MAP7: variants seen among roughly 807,000 people sequenced by gnomAD.
MAP7 encodes the protein microtubule associated protein 7, also known as ensconsin.
MAP7 carries 52 observed loss-of-function variants against 94.8 expected under a neutral mutation model. The ratio of observed to expected loss-of-function variants is 0.55; its 90% CI spans 0.44 to 0.69. MAP7 has a LOEUF of 0.69. MAP7 is among the 30% of genes least tolerant of loss of function. The probability of loss-of-function intolerance (pLI) is 0.00; values close to 1 mark genes in which losing one functional copy is unlikely to be tolerated. For missense variants in MAP7, 940 were observed against 964.6 expected, an observed-to-expected ratio of 0.97 and a Z score of 0.34; for synonymous variants, 350 against 357.0, an observed-to-expected ratio of 0.98 and a Z score of 0.22.
At chr6:136,420,976 G>T (rs1406931310) in intron 2 of MAP7, among the ~76,000 whole-genome samples, 2 of 152,152 alleles carry the variant, frequency 1.3e-5, no homozygotes, top group Admixed American at 6.5e-5. Flanking sequence ...ACCTCATGGG[G>T]TATTCGGCTT....
At chr6:136,533,050 A>T (rs1828599364) in intron 1 of MAP7, among the ~76,000 whole-genome samples, 3 of 152,226 alleles carry the variant, frequency 2.0e-5, no homozygotes, top group Admixed American at 2.0e-4. Flanking sequence ...AGGCGGGTGG[A>T]TCACCTGAGG....
chr6:136,520,489 A>G (rs1321697112), intron 1 of MAP7, among the ~76,000 whole-genome samples: 1 of 152,214 alleles, frequency 6.6e-6, no homozygotes, highest in Admixed American at 6.5e-5. Context: ...TGAAAAGTAC[A>G]GGGTATAAAG....
At position 136,343,437 on chromosome 6, in the gene MAP7, G is replaced by C. The variant is rs928720620; in HGVS notation, c.*791C>G. 12 of 152,640 alleles carry C rather than the reference G, an allele frequency of 7.9e-5. No individual in the cohort carries two copies. The highest frequency in any genetic ancestry group is 2.9e-4 in the African/African-American group (12 of 41,460). The allele number at this position is 152,640 out of a possible 1,614,324, so 9.5% of individuals were successfully genotyped here. A position where few individuals can be genotyped will look rare whatever the true frequency, so the allele number is the denominator to read the frequency against. The stretch of plus-strand genomic sequence containing the variant: ...CTTCAGAAATAGCCCTGAATCATCA[G>C]TAACATTCTATCGTGGTAACATCAG... On this transcript the variant is annotated 3_prime_UTR_variant, in exon 18 of 18. Coordinates refer to ENST00000354570, the MANE Select transcript of MAP7 (RefSeq NM_003980.6).
intron 1 of MAP7, among the ~76,000 whole-genome samples, chr6:136,547,412 C>T (rs1179052212): frequency 2.0e-5 from 3 of 152,178 alleles, no homozygotes; most frequent in Non-Finnish European, 2.9e-5. Context: ...GTGCTGTACA[C>T]TCGCTTTCCA....
At chr6:136,406,774 T>C (rs1785753141) in intron 3 of MAP7, among the ~76,000 whole-genome samples, 1 of 152,116 alleles carries the variant, frequency 6.6e-6, no homozygotes, top group Non-Finnish European at 1.5e-5. Flanking sequence ...TGAGCTGAGA[T>C]CATGCCACTG....
intron 1 of MAP7, among the ~76,000 whole-genome samples, chr6:136,529,993 T>C (rs1280080615): frequency 1.3e-5 from 2 of 152,196 alleles, no homozygotes; most frequent in Non-Finnish European, 2.9e-5. Context: ...GACTAACATG[T>C]AGTCACCTGC....
intron 1 of MAP7, among the ~76,000 whole-genome samples, chr6:136,485,987 C>A (rs901560031): frequency 2.6e-5 from 4 of 152,156 alleles, no homozygotes; most frequent in Admixed American, 2.0e-4. Context: ...CCTCCTAGAA[C>A]CTTGTGAAAC....
chr6:136,437,889 T>C (rs1796797179), intron 1 of MAP7, among the ~76,000 whole-genome samples: 1 of 152,240 alleles, frequency 6.6e-6, no homozygotes, highest in Non-Finnish European at 1.5e-5. Context: ...TAATTGGTTT[T>C]AGATTATTAT....
chr6:136,419,242 T>C (rs943454483), intron 2 of MAP7, among the ~76,000 whole-genome samples: 3 of 152,182 alleles, frequency 2.0e-5, no homozygotes, highest in Non-Finnish European at 2.9e-5. Context: ...AGTACTTTAA[T>C]GATGCTAACA....
intron 1 of MAP7, among the ~76,000 whole-genome samples, chr6:136,472,364 T>C (rs577209644): frequency 2.6e-5 from 4 of 152,294 alleles, no homozygotes; most frequent in Non-Finnish European, 5.9e-5. Flanking sequence ...AAAGGGACAT[T>C]TGTTAATTTC....
intron 7 of MAP7, among the ~76,000 whole-genome samples, chr6:136,376,372 T>C (rs769688742): frequency 6.6e-6 from 1 of 152,236 alleles, no homozygotes; most frequent in Non-Finnish European, 1.5e-5. Flanking sequence ...GTGCTGGGAT[T>C]ACAGGCGTGA....
intron 1 of MAP7, among the ~76,000 whole-genome samples, chr6:136,520,638 G>A (rs1826138441): frequency 6.6e-6 from 1 of 152,212 alleles, no homozygotes; most frequent in South Asian, 2.1e-4. Context: ...TGCCCTTTGT[G>A]CCAGGAATGA....
At chr6:136,409,762 C>G (rs1786834766) in intron 3 of MAP7, among the ~76,000 whole-genome samples, 1 of 152,164 alleles carries the variant, frequency 6.6e-6, no homozygotes, top group South Asian at 2.1e-4. Flanking sequence ...ACTTGTTTAT[C>G]TGCCTTTCAC....
In MAP7 at chr6:136,377,745, A is replaced by T; in HGVS notation, c.751+10T>A. 6.2e-7 allele frequency: 1 copy of T among 1,608,516 alleles called. No homozygotes were observed. Among genetic ancestry groups the T allele is most frequent in the Non-Finnish European group, 8.5e-7 (1 of 1,174,950 alleles). Reference sequence around the variant, plus strand: ...ACCTCATGGGGAAAGTTCCACCTGGACAGTTTTACCTGCTTCTCCAGACAA... The same window carrying T: ...ACCTCATGGGGAAAGTTCCACCTGGTCAGTTTTACCTGCTTCTCCAGACAA... On this transcript the variant is annotated intron_variant, in intron 7 of 17. Transcript: ENST00000354570.
intron 9 of MAP7, 133 bp downstream of exon 9, chr6:136,366,194 C>A: frequency 9.5e-7 from 1 of 1,051,394 alleles, no homozygotes; most frequent in Non-Finnish European, 1.4e-6. Flanking sequence ...TCTCTTTTTT[C>A]TTTCCTTTTG....
At chr6:136,498,736 T>C (rs1480818167) in intron 1 of MAP7, among the ~76,000 whole-genome samples, 4 of 150,528 alleles carry the variant, frequency 2.7e-5, no homozygotes, top group Non-Finnish European at 4.4e-5. Context: ...TGGGCAATTG[T>C]ACCTATATGG....
At chr6:136,463,210 T>C (rs1457987088) in intron 1 of MAP7, among the ~76,000 whole-genome samples, 1 of 152,156 alleles carries the variant, frequency 6.6e-6, no homozygotes, top group Non-Finnish European at 1.5e-5. Flanking sequence ...ATTAAAATAC[T>C]AACCAGAAAT....
Position 136,351,236 on chromosome 6 carries a change from T to TAA in MAP7, c.2016-5159_2016-5158dup, listed in dbSNP as rs534706295. Reference sequence around the variant, plus strand: ...ATACTGACTCCTTGTGTTTTGATGGTAAAAAAAAAAAAAAAAACGAAAAAA... The same window carrying TAA: ...ATACTGACTCCTTGTGTTTTGATGGTAAAAAAAAAAAAAAAAAAACGAAAAAA... On this transcript the variant is annotated intron_variant, in intron 16 of 17. Transcript: ENST00000354570. 4.8e-4 allele frequency among the ~76,000 whole-genome samples: 58 copies of TAA among 120,228 alleles called. 1 individual carries two copies. In the South Asian group the frequency reaches 7.2e-3, roughly 15 times the overall value. 78.9% of individuals were successfully genotyped at this position (120,228 alleles called of 152,430 possible).
At chr6:136,467,091 C>T (rs959731431) in intron 1 of MAP7, among the ~76,000 whole-genome samples, 2 of 152,138 alleles carry the variant, frequency 1.3e-5, no homozygotes, top group Non-Finnish European at 2.9e-5. Flanking sequence ...GGAGGCTTTT[C>T]CTGGTTAAGA....
Sources: gnomAD v4.1 joint callset for allele counts (sites outside exome capture counted in the v4.1 genomes callset) on GRCh38, gnomAD v4.1.1 for gene constraint, MANE v1.5 for transcripts, NCBI Gene and HGNC (gene_info 2026-07-23, HGNC 2026-07-21) for gene names.